Variants in ELP4 observed in about 807,000 individuals in gnomAD.
The protein encoded by ELP4 is elongator acetyltransferase complex subunit 4.
Under a neutral mutation model 48.9 loss-of-function variants are expected in ELP4, and 51 were observed. That is an observed-to-expected ratio of 1.04 (90% CI 0.83 to 1.32). The LOEUF is 1.32. Among genes scored for constraint, ELP4 ranks in the 40% most tolerant of loss-of-function variants. The probability of loss-of-function intolerance (pLI) is 0.00; values close to 1 mark genes in which losing one functional copy is unlikely to be tolerated. For synonymous variants in ELP4, 210 were observed against 189.2 expected (o/e 1.11, Z -0.90); for missense variants, 519 against 514.6 (o/e 1.01, Z -0.08).
At chr11:31,560,429 A>C (rs1956999206) in intron 3 of ELP4, among the ~76,000 whole-genome samples, 1 of 151,902 alleles carries the variant, frequency 6.6e-6, no homozygotes, top group Non-Finnish European at 1.5e-5. Context: ...TACTTAAAAG[A>C]ATTTTGCAGA....
In ELP4 at chr11:31,524,041, A is replaced by C. The variant is rs572615293; in HGVS notation, c.259+3950A>C. 3.4e-4 allele frequency among the ~76,000 whole-genome samples: 52 copies of C among 152,252 alleles called. No homozygotes were observed. The South Asian group carries it at 0.011, about 31-fold the overall frequency. On this transcript the variant is annotated intron_variant, in intron 2 of 9. Coordinates refer to ENST00000640961, the MANE Select transcript of ELP4 (RefSeq NM_019040.5). ...TTTATCAATGTGTTTTTTTAAAATA[A>C]TCTTTTACATTAATTATGTAATTTT...
Position 31,538,628 on chromosome 11 carries a change from G to A in ELP4, c.260-1034G>A, listed in dbSNP as rs546682010. On this transcript the variant is annotated intron_variant, in intron 2 of 9. Transcript: ENST00000640961. ...TGTAGATCCCATGTGTCAAGTTGAA[G>A]ATGTAATATTACTGGATTTGGTTTT... 1.5e-4 allele frequency among the ~76,000 whole-genome samples: 22 copies of A among 151,250 alleles called. No individual in the cohort carries two copies. The South Asian group carries it at 4.6e-3, about 31-fold the overall frequency.
intron 9 of ELP4, among the ~76,000 whole-genome samples, chr11:31,745,944 G>A (rs1947578875): frequency 6.6e-6 from 1 of 152,168 alleles, no homozygotes; most frequent in Non-Finnish European, 1.5e-5. Flanking sequence ...TACCATCAGA[G>A]TGAACAGGCA....
intron 9 of ELP4, among the ~76,000 whole-genome samples, chr11:31,774,451 A>G (rs113339778): frequency 5.3e-5 from 8 of 152,276 alleles, no homozygotes; most frequent in African/African-American, 1.7e-4. Context: ...TGGGGCCCCA[A>G]TTGCCAAATT....
chr11:31,781,453 C>T (rs746385744), intron 9 of ELP4, among the ~76,000 whole-genome samples: 3 of 136,200 alleles, frequency 2.2e-5, no homozygotes, highest in Non-Finnish European at 4.7e-5. Context: ...TAACCCCAAA[C>T]TTTAGAACCA....
chr11:31,591,987 A>G (rs1174424377), intron 3 of ELP4, among the ~76,000 whole-genome samples: 1 of 152,220 alleles, frequency 6.6e-6, no homozygotes, highest in Non-Finnish European at 1.5e-5. Context: ...AAATGAAGGA[A>G]GCCAGACACA....
chr11:31,633,916 T>C (rs1239135749), intron 7 of ELP4: 1 of 152,014 alleles, frequency 6.6e-6, no homozygotes, highest in East Asian at 1.9e-4. Flanking sequence ...GTCACCCAGT[T>C]AATAAGTAGC....
At chr11:31,653,755 C>T (rs992257216) in intron 9 of ELP4, 3 of 151,788 alleles carry the variant, frequency 2.0e-5, no homozygotes, top group Non-Finnish European at 4.4e-5. Flanking sequence ...GACCCGTACA[C>T]ACTGTGTTCT....
At chr11:31,759,711 C>CTT (rs371425015) in intron 9 of ELP4, among the ~76,000 whole-genome samples, 4 of 143,298 alleles carry the variant, frequency 2.8e-5, no homozygotes, top group Admixed American at 6.9e-5. Context: ...TTTCTTTTTT[C>CTT]TTTTTTTTTT....
chr11:31,684,729 CG>C (rs1229858263), intron 9 of ELP4, among the ~76,000 whole-genome samples: 2 of 152,228 alleles, frequency 1.3e-5, no homozygotes, highest in South Asian at 2.1e-4. Context: ...AACTGGTATC[CG>C]TATGATCCAT....
intron 9 of ELP4, among the ~76,000 whole-genome samples, chr11:31,754,428 T>C (rs1947791203): frequency 6.6e-6 from 1 of 152,144 alleles, no homozygotes. Context: ...ACCATGTTCT[T>C]ACTTCAGTGA....
intron 9 of ELP4, among the ~76,000 whole-genome samples, chr11:31,774,583 A>G (rs796577016): frequency 1.1e-4 from 17 of 152,312 alleles, no homozygotes; most frequent in African/African-American, 4.1e-4. Context: ...GCAAGAAGCT[A>G]CCAACACACT....
intron 3 of ELP4, among the ~76,000 whole-genome samples, chr11:31,550,320 G>A (rs764100184): frequency 1.6e-4 from 25 of 151,956 alleles, no homozygotes; most frequent in African/African-American, 2.7e-4. Context: ...AGAATTTGGC[G>A]CATGATGGAT....
At chr11:31,626,014 C>T (rs1944736091) in intron 5 of ELP4, among the ~76,000 whole-genome samples, 1 of 151,936 alleles carries the variant, frequency 6.6e-6, no homozygotes, top group East Asian at 1.9e-4. Flanking sequence ...TTGTACACAA[C>T]AGCATTCTTT....
chr11:31,731,567 G>GGTGTGTGT (rs148076836), intron 9 of ELP4, among the ~76,000 whole-genome samples: 12,418 of 142,754 alleles, frequency 0.087, 1,010 homozygotes, highest in African/African-American at 0.22. Flanking sequence ...CCATTAAGCA[G>GGTGTGTGT]GTGTGTGTGT....
intron 9 of ELP4, chr11:31,652,547 G>A (rs1945342676): frequency 6.6e-6 from 1 of 151,586 alleles, no homozygotes. Context: ...AAATCATCGA[G>A]CAAATGCTAC....
intron 9 of ELP4, among the ~76,000 whole-genome samples, chr11:31,668,608 T>C (rs1945730040): frequency 6.7e-6 from 1 of 149,758 alleles, no homozygotes; most frequent in African/African-American, 2.4e-5. Context: ...TTATAGGTGT[T>C]CGCCACCGCA....
intron 9 of ELP4, among the ~76,000 whole-genome samples, chr11:31,699,737 A>G (rs1269947382): frequency 2.0e-5 from 3 of 152,138 alleles, no homozygotes; most frequent in Non-Finnish European, 4.4e-5. Context: ...ATATGACCAG[A>G]TGATCAAGGT....
intron 1 of ELP4, among the ~76,000 whole-genome samples, chr11:31,516,057 G>A (rs1053912030): frequency 3.3e-5 from 5 of 152,118 alleles, no homozygotes; most frequent in Non-Finnish European, 7.4e-5. Context: ...AGCTTGCAGT[G>A]AGCTGAGATT....
Sources: allele counts gnomAD v4.1 joint callset (sites outside exome capture counted in the v4.1 genomes callset), GRCh38; gene constraint gnomAD v4.1.1; transcripts MANE v1.5; gene names NCBI Gene and HGNC (gene_info 2026-07-23, HGNC 2026-07-21).